Variants in DYNC1I1 observed in about 807,000 individuals in gnomAD.
DYNC1I1 encodes dynein cytoplasmic 1 intermediate chain 1.
Under a neutral mutation model 86.6 loss-of-function variants are expected in DYNC1I1, and 43 were observed. The ratio of observed to expected loss-of-function variants is 0.50; its 90% CI spans 0.39 to 0.64. The LOEUF (loss-of-function observed/expected upper bound fraction) is 0.64. Among genes scored for constraint, DYNC1I1 ranks in the 30% least tolerant of loss-of-function variants. The probability of loss-of-function intolerance (pLI) is 0.00; values close to 1 mark genes in which losing one functional copy is unlikely to be tolerated. For missense variants in DYNC1I1, 604 were observed against 788.8 expected, an observed-to-expected ratio of 0.77 and a Z score of 2.81; for synonymous variants, 262 against 283.7, an observed-to-expected ratio of 0.92 and a Z score of 0.77.
chr7:95,934,192 T>C (rs1562948361), intron 6 of DYNC1I1, among the ~76,000 whole-genome samples: 2 of 152,164 alleles, frequency 1.3e-5, no homozygotes, highest in East Asian at 3.9e-4. Context: ...CCCTCAATGA[T>C]TTGGAGAAAT....
intron 6 of DYNC1I1, among the ~76,000 whole-genome samples, chr7:95,958,343 C>T (rs955316223): frequency 2.6e-5 from 4 of 152,124 alleles, no homozygotes; most frequent in Non-Finnish European, 5.9e-5. Flanking sequence ...GTACTCCTAG[C>T]GTTTTAAGAG....
intron 4 of DYNC1I1, chr7:95,819,113 T>C (rs1204101865): frequency 3.3e-5 from 5 of 152,110 alleles, no homozygotes; most frequent in African/African-American, 1.2e-4. Flanking sequence ...AGGAGAATGA[T>C]GATACAAAGG....
At chr7:96,041,221 T>C (rs1197450445) in intron 14 of DYNC1I1, among the ~76,000 whole-genome samples, 5 of 152,214 alleles carry the variant, frequency 3.3e-5, no homozygotes, top group Admixed American at 1.3e-4. Context: ...TTTAACTATA[T>C]GAAAAGATAA....
intron 1 of DYNC1I1, among the ~76,000 whole-genome samples, chr7:95,782,076 G>T (rs1259032858): frequency 6.6e-6 from 1 of 152,184 alleles, no homozygotes; most frequent in Non-Finnish European, 1.5e-5. Context: ...GGCCCATGCT[G>T]CATGAGGCTT....
chr7:95,968,951 C>A (rs932423149), intron 6 of DYNC1I1, among the ~76,000 whole-genome samples: 1 of 151,846 alleles, frequency 6.6e-6, no homozygotes, highest in South Asian at 2.1e-4. Flanking sequence ...TTACACGCCT[C>A]AAGGAGGCTC....
chr7:95,800,370 G>T (rs958094791), intron 1 of DYNC1I1, among the ~76,000 whole-genome samples: 1 of 152,090 alleles, frequency 6.6e-6, no homozygotes, highest in African/African-American at 2.4e-5. Context: ...TTCAGTGATA[G>T]TAAAGCTGGA....
intron 14 of DYNC1I1, among the ~76,000 whole-genome samples, chr7:96,057,396 C>T (rs1789610365): frequency 6.6e-6 from 1 of 152,092 alleles, no homozygotes; most frequent in Non-Finnish European, 1.5e-5. Context: ...TTTCTAGGCC[C>T]ATATTTTTCC....
At chr7:95,968,342 G>C (rs1793071283) in intron 6 of DYNC1I1, among the ~76,000 whole-genome samples, 1 of 152,158 alleles carries the variant, frequency 6.6e-6, no homozygotes, top group Non-Finnish European at 1.5e-5. Flanking sequence ...TATATGCAGT[G>C]ATTGATGTGA....
At position 95,987,746 on chromosome 7, in the gene DYNC1I1, C is replaced by T. The variant is rs189348470; in HGVS notation, c.843+591C>T. ...TCCCTGCTGAATTTCACTTTGTACACCAGACAGAGCCACTATTCTAGGTGT... is the reference window on the plus strand; with the variant it reads ...TCCCTGCTGAATTTCACTTTGTACATCAGACAGAGCCACTATTCTAGGTGT... On this transcript the variant is annotated intron_variant, in intron 9 of 16. Transcript: ENST00000447467. Among the ~76,000 whole-genome samples, 5 of 152,140 alleles carry T rather than the reference C, an allele frequency of 3.3e-5. No homozygotes were observed. In the South Asian group the frequency reaches 1.0e-3, roughly 32 times the overall value.
At chr7:95,946,973 G>T (rs1366892642) in intron 6 of DYNC1I1, among the ~76,000 whole-genome samples, 2 of 152,200 alleles carry the variant, frequency 1.3e-5, no homozygotes, top group African/African-American at 4.8e-5. Context: ...TAGGACAGAA[G>T]CATGGAGAAC....
At chr7:95,943,461 T>C (rs201828368) in intron 6 of DYNC1I1, among the ~76,000 whole-genome samples, 96,204 of 142,598 alleles carry the variant, frequency 0.67, 33,434 homozygotes, top group East Asian at 0.89. Flanking sequence ...AGGTAATTTA[T>C]AGATTCAATG....
intron 10 of DYNC1I1, among the ~76,000 whole-genome samples, chr7:96,013,124 G>T (rs1019120826): frequency 6.6e-6 from 1 of 152,076 alleles, no homozygotes; most frequent in South Asian, 2.1e-4. Context: ...AATCACAAGG[G>T]ATCTCATAAG....
intron 15 of DYNC1I1, 95 bp downstream of exon 15, chr7:96,076,292 T>A: frequency 6.6e-7 from 1 of 1,516,950 alleles, no homozygotes; most frequent in East Asian, 2.4e-5. Flanking sequence ...ACGGCCTTTT[T>A]TGGACAGACC....
At chr7:95,963,299 T>C (rs566381027) in intron 6 of DYNC1I1, among the ~76,000 whole-genome samples, 14 of 152,300 alleles carry the variant, frequency 9.2e-5, no homozygotes, top group African/African-American at 3.1e-4. Flanking sequence ...ATGTAGATAT[T>C]TACATACATT....
At chr7:95,782,052 C>T (rs1483595510) in intron 1 of DYNC1I1, among the ~76,000 whole-genome samples, 1 of 152,192 alleles carries the variant, frequency 6.6e-6, no homozygotes, top group Non-Finnish European at 1.5e-5. Flanking sequence ...CTGTGTTCAC[C>T]ATGTTCACTC....
chr7:95,919,835 T>C (rs532948287), intron 6 of DYNC1I1, among the ~76,000 whole-genome samples: 63 of 152,330 alleles, frequency 4.1e-4, no homozygotes, highest in Non-Finnish European at 7.6e-4. Context: ...AAGCTGGAAC[T>C]ACTTGAGCAA....
At chr7:95,901,984 T>C (rs1212919621) in intron 6 of DYNC1I1, among the ~76,000 whole-genome samples, 1 of 152,238 alleles carries the variant, frequency 6.6e-6, no homozygotes, top group Non-Finnish European at 1.5e-5. Context: ...AGTGGGCCAG[T>C]GCATAAAATG....
intron 6 of DYNC1I1, among the ~76,000 whole-genome samples, chr7:95,940,629 A>G (rs896228290): frequency 2.0e-5 from 3 of 152,078 alleles, no homozygotes; most frequent in African/African-American, 4.8e-5. Context: ...TAGTTCTCGA[A>G]CCTTGACTTT....
chr7:96,094,039 T>C (rs1483567533), intron 16 of DYNC1I1, among the ~76,000 whole-genome samples: 2 of 152,192 alleles, frequency 1.3e-5, no homozygotes, highest in African/African-American at 4.8e-5. Flanking sequence ...CAGTTGTCAC[T>C]GAAGGAAGGT....
Sources: allele counts gnomAD v4.1 joint callset (sites outside exome capture counted in the v4.1 genomes callset), GRCh38; gene constraint gnomAD v4.1.1; transcripts MANE v1.5; gene names NCBI Gene and HGNC (gene_info 2026-07-23, HGNC 2026-07-21).